The following SNX30 variants were observed in gnomAD, a reference collection of about 807,000 sequenced individuals.
SNX30 encodes sorting nexin-30.
A neutral mutation model predicts 46.4 loss-of-function variants in SNX30; 24 were observed. The observed-to-expected ratio is 0.52, with a 90% CI of 0.37 to 0.73. SNX30 has a LOEUF of 0.73. SNX30 is among the 30% of genes least tolerant of loss of function. The probability of loss-of-function intolerance (pLI) is 0.00; values close to 1 mark genes in which losing one functional copy is unlikely to be tolerated. For synonymous variants in SNX30, 189 were observed against 211.5 expected (o/e 0.89, Z 0.92); for missense variants, 533 against 555.7 (o/e 0.96, Z 0.41).
chr9:112,820,513 A>G (rs1403363608), intron 3 of SNX30, among the ~76,000 whole-genome samples: 1 of 152,212 alleles, frequency 6.6e-6, no homozygotes, highest in African/African-American at 2.4e-5. Flanking sequence ...AGAAATGTTC[A>G]TTTCCCTTTT....
chr9:112,839,227 A>T (rs1840816925), intron 6 of SNX30, among the ~76,000 whole-genome samples: 1 of 152,248 alleles, frequency 6.6e-6, no homozygotes, highest in Non-Finnish European at 1.5e-5. Context: ...AGGAAATTGT[A>T]AAAGAAATAA....
chr9:112,836,347 C>T lies in SNX30; in HGVS notation c.752C>T (p.Thr251Ile), dbSNP rs758075062. ...GCTGCCATAGGTGACTACTTAGATA[C>T]ATTTGCACTCAAACTGGGAACCATT... ...EFAAIGDYLDTFALKLGTIDR... is the reference protein window; with the variant it reads ...EFAAIGDYLDIFALKLGTIDR... The change falls in exon 5 of 9, where the codon ACA (threonine) becomes ATA (isoleucine). Residue 251 changes from threonine (T) to isoleucine (I), a missense_variant. Physicochemically the swap from Thr to Ile is moderately conservative, Grantham distance 89. Transcript: ENST00000374232. 1.9e-6 allele frequency: 3 copies of T among 1,610,848 alleles called. No homozygotes were observed. The highest frequency in any genetic ancestry group is 1.1e-5 in the South Asian group (1 of 91,012).
chr9:112,792,265 A>G (rs1260177156), intron 1 of SNX30, among the ~76,000 whole-genome samples: 1 of 152,018 alleles, frequency 6.6e-6, no homozygotes, highest in African/African-American at 2.4e-5. Flanking sequence ...TCTCTATTTA[A>G]TTTCACCTTG....
chr9:112,863,429 A>G (rs1841270139), intron 7 of SNX30, among the ~76,000 whole-genome samples: 3 of 152,244 alleles, frequency 2.0e-5, no homozygotes. Flanking sequence ...CGCTGCAGCC[A>G]CAAAGCCCAA....
intron 1 of SNX30, among the ~76,000 whole-genome samples, chr9:112,766,723 G>A (rs539785709): frequency 9.5e-4 from 145 of 152,198 alleles, no homozygotes; most frequent in African/African-American, 3.3e-3. Flanking sequence ...TTTGTCTTTT[G>A]GTGACTGGCT....
intron 4 of SNX30, among the ~76,000 whole-genome samples, chr9:112,833,335 T>C (rs883462): frequency 0.18 from 27,489 of 152,014 alleles, 3,481 homozygotes; most frequent in African/African-American, 0.36. Context: ...ATCACATGAG[T>C]TTATCAACAA....
chr9:112,813,271 T>C (rs1458409693), intron 2 of SNX30, among the ~76,000 whole-genome samples: 1 of 152,002 alleles, frequency 6.6e-6, no homozygotes, highest in African/African-American at 2.4e-5. Context: ...GAGACCAGCC[T>C]GGGCAACATA....
At chr9:112,785,675 C>T (rs867828758) in intron 1 of SNX30, among the ~76,000 whole-genome samples, 2 of 151,624 alleles carry the variant, frequency 1.3e-5, no homozygotes, top group South Asian at 2.1e-4. Flanking sequence ...TGTGCCACCA[C>T]GCCTGGCCGT....
chr9:112,786,305 G>C (rs757823589), intron 1 of SNX30, among the ~76,000 whole-genome samples: 1 of 151,816 alleles, frequency 6.6e-6, no homozygotes, highest in Non-Finnish European at 1.5e-5. Context: ...TTTTTTTGTA[G>C]AGACAGGGTT....
intron 1 of SNX30, among the ~76,000 whole-genome samples, chr9:112,804,108 C>T (rs374593656): frequency 1.3e-5 from 2 of 151,144 alleles, no homozygotes; most frequent in African/African-American, 2.4e-5. Context: ...GCGTCGCTCA[C>T]GCTGGGAGCT....
At chr9:112,820,905 A>G (rs1840481581) in intron 3 of SNX30, among the ~76,000 whole-genome samples, 1 of 152,238 alleles carries the variant, frequency 6.6e-6, no homozygotes, top group Non-Finnish European at 1.5e-5. Flanking sequence ...GTTTATGGAT[A>G]ATACCACATT....
chr9:112,834,868 A>ACC (rs1840725494), intron 4 of SNX30, among the ~76,000 whole-genome samples: 1 of 90,950 alleles, frequency 1.1e-5, no homozygotes, highest in Non-Finnish European at 3.0e-5. Flanking sequence ...ACACACACAC[A>ACC]CACACACACA....
rs1215432665 is a variant in SNX30, at chr9:112,871,081, T to C, written c.*2238T>C. On this transcript the variant is annotated 3_prime_UTR_variant, in exon 9 of 9. Transcript: ENST00000374232. ...ACTCCCTCTCCTAGTGAGAGGCAGA[T>C]GGCTGGCTCTGAAGGGAGGCAGGCA... 6.6e-6 allele frequency: 1 copy of C among 152,246 alleles called. No homozygotes were observed. Among genetic ancestry groups the C allele is most frequent in the East Asian group, 1.9e-4 (1 of 5,182 alleles). 9.4% of individuals were successfully genotyped at this position (152,246 alleles called of 1,614,324 possible).
At chr9:112,856,371 ATGTAGGGAGGGCGTGTGGCG>A (rs879843228) in intron 7 of SNX30, among the ~76,000 whole-genome samples, 5 of 132,336 alleles carry the variant, frequency 3.8e-5, no homozygotes, top group Admixed American at 7.8e-5. Context: ...GGCACGTGGC[ATGTAGGGAGGGCGTGTGGCG>A]TGTAGGGAGG....
chr9:112,843,626 CTT>C (rs35950913), intron 6 of SNX30, among the ~76,000 whole-genome samples: 2 of 105,236 alleles, frequency 1.9e-5, no homozygotes, highest in African/African-American at 3.6e-5. Context: ...CCTGCAGTAG[CTT>C]TTTTTTTTTT....
intron 7 of SNX30, among the ~76,000 whole-genome samples, chr9:112,860,869 TATG>T (rs1437904729): frequency 2.0e-5 from 3 of 152,208 alleles, no homozygotes; most frequent in African/African-American, 7.2e-5. Context: ...TTGATACTGA[TATG>T]AGCTAACAAA....
At chr9:112,823,520 G>T (rs1840537150) in intron 3 of SNX30, among the ~76,000 whole-genome samples, 1 of 152,110 alleles carries the variant, frequency 6.6e-6, no homozygotes, top group Non-Finnish European at 1.5e-5. Context: ...TGATTAGATG[G>T]GTGCCCGTAT....
At chr9:112,879,016 G>T (rs1483472787), downstream of SNX30, 3 of 152,168 alleles carry the variant, frequency 2.0e-5, no homozygotes, top group Admixed American at 6.5e-5. Flanking sequence ...AGCTCTTAAT[G>T]TACCTCCTCT....
chr9:112,774,299 C>T (rs1222195688), intron 1 of SNX30, among the ~76,000 whole-genome samples: 1 of 152,018 alleles, frequency 6.6e-6, no homozygotes, highest in Non-Finnish European at 1.5e-5. Context: ...AATGACAGAC[C>T]TTTAGCTAGA....
Sources: gnomAD v4.1 joint callset for allele counts (sites outside exome capture counted in the v4.1 genomes callset) on GRCh38, gnomAD v4.1.1 for gene constraint, MANE v1.5 for transcripts, NCBI Gene and HGNC (gene_info 2026-07-23, HGNC 2026-07-21) for gene names.